Variants in RABGAP1L observed in about 807,000 individuals in gnomAD.
RABGAP1L encodes RAB GTPase activating protein 1 like, also known as rab GTPase-activating protein 1-like.
A neutral mutation model predicts 137.7 loss-of-function variants in RABGAP1L; 63 were observed. That is an observed-to-expected ratio of 0.46 (90% CI 0.37 to 0.56). The LOEUF (loss-of-function observed/expected upper bound fraction) is 0.56. RABGAP1L is among the 20% of genes least tolerant of loss of function. The pLI, the probability that RABGAP1L is intolerant of heterozygous loss-of-function variation, is 0.00. For missense variants in RABGAP1L, 1,095 were observed against 1,244.0 expected, an observed-to-expected ratio of 0.88 and a Z score of 1.80; for synonymous variants, 431 against 433.7, an observed-to-expected ratio of 0.99 and a Z score of 0.08.
intron 13 of RABGAP1L, among the ~76,000 whole-genome samples, chr1:174,484,461 C>T (rs1301120104): frequency 6.6e-6 from 1 of 152,164 alleles, no homozygotes; most frequent in Non-Finnish European, 1.5e-5. Flanking sequence ...TGTGGTATTA[C>T]TCAAGAAATT....
chr1:174,408,922 C>T (rs1649590146), intron 13 of RABGAP1L, among the ~76,000 whole-genome samples: 1 of 151,992 alleles, frequency 6.6e-6, no homozygotes, highest in Admixed American at 6.6e-5. Flanking sequence ...TTGTTTTGTG[C>T]TTGTTGAATT....
chr1:174,744,224 C>G (rs895709175), intron 17 of RABGAP1L, among the ~76,000 whole-genome samples: 1 of 151,504 alleles, frequency 6.6e-6, no homozygotes, highest in Non-Finnish European at 1.5e-5. Flanking sequence ...CATTAGCCAA[C>G]CTAAAATATT....
intron 18 of RABGAP1L, among the ~76,000 whole-genome samples, chr1:174,757,790 G>T (rs1297189248): frequency 1.3e-5 from 2 of 151,708 alleles, no homozygotes; most frequent in Non-Finnish European, 2.9e-5. Context: ...ACACTTTAGG[G>T]GGCCAAGGTG....
intron 12 of RABGAP1L, among the ~76,000 whole-genome samples, chr1:174,384,237 G>A (rs1021437903): frequency 3.3e-5 from 5 of 152,180 alleles, no homozygotes; most frequent in Non-Finnish European, 7.3e-5. Context: ...TATCATCATA[G>A]GAAGCATGTC....
At chr1:174,267,205 ATTTC>A (rs779150528) in intron 7 of RABGAP1L, among the ~76,000 whole-genome samples, 2 of 152,206 alleles carry the variant, frequency 1.3e-5, no homozygotes, top group Non-Finnish European at 2.9e-5. Flanking sequence ...AGATTATGCA[ATTTC>A]TTTATCTCAA....
At chr1:174,596,596 C>G (rs1296710038) in intron 13 of RABGAP1L, among the ~76,000 whole-genome samples, 1 of 152,096 alleles carries the variant, frequency 6.6e-6, no homozygotes, top group Non-Finnish European at 1.5e-5. Context: ...ATTTACTTCT[C>G]AGTTCTAATA....
chr1:174,475,309 T>A (rs1658383058), intron 13 of RABGAP1L, among the ~76,000 whole-genome samples: 1 of 152,152 alleles, frequency 6.6e-6, no homozygotes, highest in Non-Finnish European at 1.5e-5. Flanking sequence ...GTTATGCTTT[T>A]TTTTCTTTTA....
intron 3 of RABGAP1L, 137 bp from the exon 4 acceptor site, chr1:174,231,008 A>C: frequency 4.9e-6 from 3 of 608,560 alleles, no homozygotes; most frequent in Non-Finnish European, 8.3e-6. Flanking sequence ...TAAAATTTTA[A>C]AATATAAAAG....
chr1:174,187,347 G>A (rs764086467), intron 1 of RABGAP1L, among the ~76,000 whole-genome samples: 21 of 151,978 alleles, frequency 1.4e-4, no homozygotes, highest in Non-Finnish European at 8.8e-5. Flanking sequence ...GAAGGCAAGG[G>A]CCATCCATAT....
chr1:174,804,251 TTTTG>T (rs1359260120), intron 18 of RABGAP1L, among the ~76,000 whole-genome samples: 1 of 81,572 alleles, frequency 1.2e-5, no homozygotes, highest in Non-Finnish European at 3.6e-5. Flanking sequence ...GATGTTTTTT[TTTTG>T]TTTGTTTTGT....
intron 10 of RABGAP1L, among the ~76,000 whole-genome samples, chr1:174,282,149 C>T (rs1675628202): frequency 6.6e-6 from 1 of 152,118 alleles, no homozygotes; most frequent in Non-Finnish European, 1.5e-5. Flanking sequence ...CATAGATTTT[C>T]ATTTCTTTTG....
chr1:174,606,838 A>G (rs1670830287), intron 13 of RABGAP1L, among the ~76,000 whole-genome samples: 1 of 152,338 alleles, frequency 6.6e-6, no homozygotes, highest in South Asian at 2.1e-4. Flanking sequence ...GCTTTTAACT[A>G]GTATTTTTGC....
chr1:174,291,856 C>T (rs1042476063), intron 10 of RABGAP1L, among the ~76,000 whole-genome samples: 5 of 151,348 alleles, frequency 3.3e-5, no homozygotes, highest in South Asian at 4.2e-4. Context: ...AAGTCTGTAA[C>T]TTATTGACAT....
intron 18 of RABGAP1L, among the ~76,000 whole-genome samples, chr1:174,758,442 G>A (rs763402975): frequency 5.3e-5 from 8 of 151,044 alleles, no homozygotes; most frequent in South Asian, 4.2e-4. Flanking sequence ...ATCCCTCACC[G>A]CCCTCCCACC....
chr1:174,408,627 G>T (rs2149123099), intron 13 of RABGAP1L, among the ~76,000 whole-genome samples: 1 of 152,228 alleles, frequency 6.6e-6, no homozygotes, highest in South Asian at 2.1e-4. Flanking sequence ...AGTTATTTGA[G>T]AAATCTCTAA....
intron 12 of RABGAP1L, among the ~76,000 whole-genome samples, chr1:174,374,540 T>G (rs535405275): frequency 6.6e-6 from 1 of 152,238 alleles, no homozygotes; most frequent in East Asian, 1.9e-4. Flanking sequence ...ATATAGGTAT[T>G]GTAGAAACTA....
At chr1:174,918,266 T>TAG (rs1661202790) in intron 19 of RABGAP1L, among the ~76,000 whole-genome samples, 1 of 152,226 alleles carries the variant, frequency 6.6e-6, no homozygotes, top group Non-Finnish European at 1.5e-5. Context: ...TTATTATATA[T>TAG]TTTAGTTTCT....
At chr1:174,284,379 A>G (rs1312828038) in intron 10 of RABGAP1L, among the ~76,000 whole-genome samples, 1 of 152,172 alleles carries the variant, frequency 6.6e-6, no homozygotes, top group African/African-American at 2.4e-5. Context: ...ACTTAGCATA[A>G]TGCTCTCCAC....
chr1:174,817,286 G>T (rs367635899), intron 19 of RABGAP1L, among the ~76,000 whole-genome samples: 2 of 152,184 alleles, frequency 1.3e-5, no homozygotes, highest in African/African-American at 4.8e-5. Flanking sequence ...AATTAGGAAA[G>T]AAAAGTTATT....
Sources: gnomAD v4.1 joint callset for allele counts (sites outside exome capture counted in the v4.1 genomes callset) on GRCh38, gnomAD v4.1.1 for gene constraint, MANE v1.5 for transcripts, NCBI Gene and HGNC (gene_info 2026-07-23, HGNC 2026-07-21) for gene names.